DPYD: variants seen among roughly 807,000 people sequenced by gnomAD.
The protein encoded by DPYD is dihydropyrimidine dehydrogenase.
Under a neutral mutation model 116.2 loss-of-function variants are expected in DPYD, and 109 were observed. The ratio of observed to expected loss-of-function variants is 0.94; its 90% confidence interval spans 0.80 to 1.10. The LOEUF is 1.10. DPYD is among the 50% of genes least tolerant of loss of function. DPYD has a pLI of 0.00. For synonymous variants in DPYD, 440 were observed against 432.0 expected (o/e 1.02, Z -0.23); for missense variants, 1,302 against 1,254.5 (o/e 1.04, Z -0.57).
At position 97,549,619 on chromosome 1, in the gene DPYD, T is replaced by C. The variant is rs778776264; in HGVS notation, c.1465A>G (p.Thr489Ala). 2 of 1,613,904 alleles carry C rather than the reference T, an allele frequency of 1.2e-6. No individual in the cohort carries two copies. Among genetic ancestry groups the C allele is most frequent in the East Asian group, 2.2e-5 (1 of 44,854 alleles). Residue 489 changes from threonine to alanine, a missense_variant, in exon 12 of 23, where the codon ACA (threonine) becomes GCA (alanine). Coordinates refer to ENST00000370192, the MANE Select transcript of DPYD (RefSeq NM_000110.4). Reference protein sequence around the residue: ...GGDVVGLANTTVESVNDGKQA... With the variant: ...GGDVVGLANTAVESVNDGKQA... Reference sequence around the variant, plus strand: ...TTTCCATCATTCACCGATTCCACTGTAGTGTTAGCCAAACCAACGACATCA... The same window carrying C: ...TTTCCATCATTCACCGATTCCACTGCAGTGTTAGCCAAACCAACGACATCA...
intron 1 of DPYD, among the ~76,000 whole-genome samples, chr1:97,913,062 C>A (rs892287224): frequency 6.6e-6 from 1 of 152,108 alleles, no homozygotes; most frequent in South Asian, 2.1e-4. Context: ...TAGTTAAAGA[C>A]AGCATAATCC....
chr1:97,319,723 C>G (rs1342402430), intron 16 of DPYD, among the ~76,000 whole-genome samples: 1 of 36,618 alleles, frequency 2.7e-5, no homozygotes, highest in African/African-American at 1.0e-4. Flanking sequence ...TCCTCCCTAA[C>G]TCATTTTATG....
At chr1:97,893,429 CATATATATATATATATATAT>C (rs59336649) in intron 1 of DPYD, among the ~76,000 whole-genome samples, 1 of 71,906 alleles carries the variant, frequency 1.4e-5, no homozygotes, top group Non-Finnish European at 2.6e-5. Context: ...ATATCCATCG[CATATATATATATATATATAT>C]ATATATATAT....
chr1:97,258,028 A>T (rs925597249), intron 18 of DPYD, among the ~76,000 whole-genome samples: 6 of 152,076 alleles, frequency 3.9e-5, no homozygotes, highest in African/African-American at 1.4e-4. Context: ...GAAGGAATGG[A>T]GGGAATCACA....
intron 20 of DPYD, among the ~76,000 whole-genome samples, chr1:97,128,383 G>A (rs1397785563): frequency 6.6e-6 from 1 of 152,016 alleles, no homozygotes; most frequent in Non-Finnish European, 1.5e-5. Context: ...AACTAAACAA[G>A]AGTTCCGGGT....
chr1:97,661,464 T>A (rs1386078775), intron 8 of DPYD, among the ~76,000 whole-genome samples: 1 of 152,184 alleles, frequency 6.6e-6, no homozygotes, highest in African/African-American at 2.4e-5. Flanking sequence ...GAGAATACAA[T>A]ATTTAACTGT....
intron 8 of DPYD, among the ~76,000 whole-genome samples, chr1:97,648,698 T>A (rs72975759): frequency 6.8e-4 from 104 of 152,162 alleles, no homozygotes; most frequent in African/African-American, 2.4e-3. Flanking sequence ...ATGCCAGGCA[T>A]TATTCTAAGC....
At chr1:97,710,473 T>C (rs1662219800) in intron 5 of DPYD, among the ~76,000 whole-genome samples, 1 of 151,862 alleles carries the variant, frequency 6.6e-6, no homozygotes, top group Admixed American at 6.6e-5. Flanking sequence ...GTACTGTGTT[T>C]CAAATGTATT....
At chr1:97,087,867 TATA>T (rs1649625589) in intron 21 of DPYD, among the ~76,000 whole-genome samples, 1 of 152,198 alleles carries the variant, frequency 6.6e-6, no homozygotes, top group Non-Finnish European at 1.5e-5. Flanking sequence ...TCTCTCTAAT[TATA>T]ATTTAACAGT....
intron 13 of DPYD, among the ~76,000 whole-genome samples, chr1:97,455,096 T>G (rs1242558455): frequency 6.6e-6 from 1 of 151,886 alleles, no homozygotes; most frequent in Admixed American, 6.6e-5. Flanking sequence ...CTAAAAATAA[T>G]TCAAGATAGA....
At chr1:97,870,493 G>A (rs185555266) in intron 2 of DPYD, among the ~76,000 whole-genome samples, 5 of 151,560 alleles carry the variant, frequency 3.3e-5, no homozygotes, top group Non-Finnish European at 5.9e-5. Context: ...CATTTTAAGT[G>A]CATGACTGCA....
chr1:97,582,427 C>A (rs1169920801), intron 10 of DPYD, among the ~76,000 whole-genome samples: 1 of 152,102 alleles, frequency 6.6e-6, no homozygotes, highest in Non-Finnish European at 1.5e-5. Context: ...ATCTTGGTTA[C>A]CAAGGACATG....
chr1:97,786,891 C>CT (rs1667067168), intron 3 of DPYD, among the ~76,000 whole-genome samples: 3 of 152,130 alleles, frequency 2.0e-5, no homozygotes, highest in South Asian at 4.1e-4. Context: ...TATTACATAA[C>CT]TAGTGAGGGA....
intron 9 of DPYD, 24 bp from the exon 10 acceptor site, chr1:97,593,411 AT>A (rs1301959294): frequency 6.2e-7 from 1 of 1,613,232 alleles, no homozygotes; most frequent in East Asian, 2.2e-5. Flanking sequence ...GGAAAACCCC[AT>A]TTTCAAGTAG....
At position 97,920,794 on chromosome 1, in the gene DPYD, T is replaced by TGCGGGGGCC. The variant is rs1168447906; in HGVS notation, c.39+81_39+89dup. ...TTCCCGCGTCTCTCACTCTCCGGGG[T>TGCGGGGGCC]GCGGGGGCCGCGGGGGCCTCCCCGG... On this transcript the variant is annotated intron_variant, in intron 1 of 22. Coordinates refer to ENST00000370192, the MANE Select transcript of DPYD (RefSeq NM_000110.4). 12 of 1,513,610 alleles carry TGCGGGGGCC rather than the reference T, an allele frequency of 7.9e-6. 1 individual carries two copies. In the Middle Eastern group the frequency reaches 9.7e-4, roughly 122 times the overall value. The allele number at this position is 1,513,610 out of a possible 1,614,324, so 93.8% of individuals were successfully genotyped here. A position where few individuals can be genotyped will look rare whatever the true frequency, so the allele number is the denominator to read the frequency against.
At chr1:97,098,272 T>C (rs947797200) in intron 21 of DPYD, among the ~76,000 whole-genome samples, 8 of 152,110 alleles carry the variant, frequency 5.3e-5, no homozygotes, top group African/African-American at 1.7e-4. Context: ...ATGACATGCA[T>C]GCTTGCCAGT....
chr1:97,527,227 T>C (rs547967384), intron 12 of DPYD, among the ~76,000 whole-genome samples: 57 of 152,134 alleles, frequency 3.7e-4, no homozygotes, highest in African/African-American at 9.9e-4. Context: ...CACAGGCGCC[T>C]GCCACCACGC....
Position 97,351,559 on chromosome 1 carries a change from C to T in DPYD, c.2058+22002G>A, listed in dbSNP as rs1432184912. On this transcript the variant is annotated intron_variant, in intron 16 of 22. Coordinates refer to ENST00000370192, the MANE Select transcript of DPYD (RefSeq NM_000110.4). ...GGGGAAAGGTTAAAATTATAAAGGACATGAATACAGAGATAGAAGAAATCA... is the reference window on the plus strand; with the variant it reads ...GGGGAAAGGTTAAAATTATAAAGGATATGAATACAGAGATAGAAGAAATCA... 2.0e-5 allele frequency among the ~76,000 whole-genome samples: 3 copies of T among 152,160 alleles called. No homozygotes were observed. The South Asian group carries it at 6.2e-4, about 32-fold the overall frequency.
intron 1 of DPYD, among the ~76,000 whole-genome samples, chr1:97,899,089 GTGTTT>G (rs890627271): frequency 1.3e-5 from 2 of 151,352 alleles, no homozygotes; most frequent in Non-Finnish European, 3.0e-5. Context: ...TCAGACAAGA[GTGTTT>G]TGTTTTGTTT....
Sources: gnomAD v4.1 joint callset for allele counts (sites outside exome capture counted in the v4.1 genomes callset) on GRCh38, gnomAD v4.1.1 for gene constraint, MANE v1.5 for transcripts, NCBI Gene and HGNC (gene_info 2026-07-23, HGNC 2026-07-21) for gene names.